MYOM2: variants seen among roughly 807,000 people sequenced by gnomAD.
MYOM2 encodes the protein myomesin 2.
In MYOM2, 254 loss-of-function variants were observed where a neutral mutation model predicts 187.6. The observed-to-expected ratio is 1.35, with a 90% CI of 1.22 to 1.50. The LOEUF is 1.50. Among genes scored for constraint, MYOM2 ranks in the 40% most tolerant of loss-of-function variants. MYOM2 has a pLI of 0.00. For missense variants in MYOM2, 2,796 were observed against 1,924.0 expected, an observed-to-expected ratio of 1.45 and a Z score of -8.48; for synonymous variants, 981 against 753.8, an observed-to-expected ratio of 1.30 and a Z score of -4.94.
intron 25 of MYOM2, among the ~76,000 whole-genome samples, chr8:2,113,440 G>T (rs1464486639): frequency 6.6e-6 from 1 of 152,184 alleles, no homozygotes; most frequent in Non-Finnish European, 1.5e-5. Flanking sequence ...TGAAGGCCTT[G>T]GGAGGTCTCT....
chr8:2,128,587 A>G (rs1417527292), intron 31 of MYOM2, among the ~76,000 whole-genome samples: 2 of 152,166 alleles, frequency 1.3e-5, no homozygotes, highest in Non-Finnish European at 2.9e-5. Flanking sequence ...TTTTTATTCC[A>G]AGTACACTGT....
At chr8:2,122,945 T>C (rs151203620) in intron 28 of MYOM2, among the ~76,000 whole-genome samples, 84 of 147,854 alleles carry the variant, frequency 5.7e-4, no homozygotes, top group Middle Eastern at 3.4e-3. Flanking sequence ...TTGTCTTTGT[T>C]AATGACATTT....
chr8:2,091,133 T>C (rs984214268), intron 15 of MYOM2, among the ~76,000 whole-genome samples: 9 of 150,448 alleles, frequency 6.0e-5, no homozygotes, highest in African/African-American at 1.7e-4. Context: ...TCTGCAATGG[T>C]CACTTTTAAA....
chr8:2,108,182 G>A (rs1442422374), intron 23 of MYOM2, among the ~76,000 whole-genome samples: 1 of 152,090 alleles, frequency 6.6e-6, no homozygotes. Flanking sequence ...AAAATGAAGT[G>A]GCTTAGAGCC....
rs756905893 is a variant in MYOM2, at chr8:2,094,137, G to A, written c.2125+46G>A. 1.1e-5 allele frequency: 18 copies of A among 1,601,578 alleles called. 2 individuals are homozygous for A. In the South Asian group the frequency reaches 1.9e-4, roughly 17 times the overall value. On this transcript the variant is annotated intron_variant, in intron 17 of 36. Transcript: ENST00000262113. ...TGTGTGCCGATTGCTCCCATACACT[G>A]TCATTTCTGCATGAATAAACATTTG...
chr8:2,106,473 A>T lies in MYOM2; in HGVS notation c.2892-18A>T. 1 of 1,609,826 alleles carries T rather than the reference A, an allele frequency of 6.2e-7. No individual in the cohort carries two copies. The highest frequency in any genetic ancestry group is 8.5e-7 in the Non-Finnish European group (1 of 1,176,476). ...AAACAGAAATGATCGACATTCACCTACTCTTCTTCCTTTTTAGCTCCAAGC... is the reference window on the plus strand; with the variant it reads ...AAACAGAAATGATCGACATTCACCTTCTCTTCTTCCTTTTTAGCTCCAAGC... On this transcript the variant is annotated intron_variant, in intron 22 of 36. Coordinates refer to ENST00000262113, the MANE Select transcript of MYOM2 (RefSeq NM_003970.4).
intron 17 of MYOM2, among the ~76,000 whole-genome samples, chr8:2,094,700 T>A (rs918566779): frequency 5.3e-5 from 8 of 152,226 alleles, no homozygotes; most frequent in African/African-American, 1.9e-4. Flanking sequence ...TCAAAATATG[T>A]GCTAAAATAC....
chr8:2,064,507 G>A (rs1818951165), intron 6 of MYOM2, among the ~76,000 whole-genome samples: 1 of 57,054 alleles, frequency 1.8e-5, no homozygotes, highest in South Asian at 1.4e-3. Context: ...AGGAAGGAGA[G>A]CGCTCTCTTC....
intron 6 of MYOM2, among the ~76,000 whole-genome samples, chr8:2,066,763 C>T (rs1490105496): frequency 1.3e-5 from 2 of 152,148 alleles, no homozygotes; most frequent in East Asian, 3.9e-4. Flanking sequence ...TAATGCTTAG[C>T]ATTGGAGAAA....
At chr8:2,137,480 A>T (rs1046662584) in intron 32 of MYOM2, among the ~76,000 whole-genome samples, 3 of 151,818 alleles carry the variant, frequency 2.0e-5, no homozygotes, top group Non-Finnish European at 4.4e-5. Flanking sequence ...GGCCTTACTG[A>T]TGTGTGGAGG....
chr8:2,067,902 G>C (rs1819070216), intron 6 of MYOM2, among the ~76,000 whole-genome samples: 1 of 152,068 alleles, frequency 6.6e-6, no homozygotes, highest in Non-Finnish European at 1.5e-5. Flanking sequence ...TATTAGCATG[G>C]GAATCCTACT....
At chr8:2,124,866 A>G (rs1039796026) in intron 31 of MYOM2, among the ~76,000 whole-genome samples, 18 of 152,114 alleles carry the variant, frequency 1.2e-4, no homozygotes, top group African/African-American at 4.3e-4. Context: ...TTTTTCAAGT[A>G]TCTGTTGGCC....
At position 2,052,320 on chromosome 8, in the gene MYOM2, A is replaced by G. The variant is rs753800462; in HGVS notation, c.263+7A>G. 7.5e-6 allele frequency: 12 copies of G among 1,593,056 alleles called. No individual in the cohort carries two copies. Among genetic ancestry groups the G allele is most frequent in the South Asian group, 1.1e-5 (1 of 88,502 alleles). ...AGCAGGAGAACAGAAGCAGGTGAGCACATGGCTTCCCTGACTCCACTTGTG... is the reference window on the plus strand; with the variant it reads ...AGCAGGAGAACAGAAGCAGGTGAGCGCATGGCTTCCCTGACTCCACTTGTG... On this transcript the variant is annotated splice_region_variant and intron_variant, in intron 3 of 36. Transcript: ENST00000262113.
intron 13 of MYOM2, among the ~76,000 whole-genome samples, chr8:2,083,392 A>G (rs1324683124): frequency 9.4e-4 from 116 of 123,602 alleles, no homozygotes; most frequent in South Asian, 3.6e-3. Context: ...GCGGCATCTC[A>G]CATGTGCCTA....
At chr8:2,073,177 C>T (rs939592606) in intron 9 of MYOM2, among the ~76,000 whole-genome samples, 162 bp from the exon 10 acceptor site, 2 of 152,226 alleles carry the variant, frequency 1.3e-5, no homozygotes, top group East Asian at 1.9e-4. Context: ...TGTGCTTCCA[C>T]GAAGTGCAGC....
chr8:2,085,272 A>C lies in MYOM2; in HGVS notation c.1526A>C (p.Gln509Pro). 6.2e-7 allele frequency: 1 copy of C among 1,614,024 alleles called. No individual in the cohort carries two copies. The highest frequency in any genetic ancestry group is 8.5e-7 in the Non-Finnish European group (1 of 1,179,950). The change falls in exon 14 of 37, where the codon CAG (glutamine) becomes CCG (proline). Residue 509 changes from glutamine to proline, a missense_variant. Transcript: ENST00000262113. The part of the protein sequence containing the change: ...IYQDDLEGDA[Q>P]VPGPPTGVHA... ...TTTATTATTCCTCCAGGTGACGCCC[A>C]GGTTCCAGGGCCTCCCACCGGTGTG...
chr8:2,145,018 TG>T lies in MYOM2; in HGVS notation c.*39del, dbSNP rs1455327149. The T allele has an allele frequency of 3.1e-6, 5 of 1,606,552 alleles. No individual in the cohort carries two copies. The highest frequency in any genetic ancestry group is 4.2e-6 in the Non-Finnish European group (5 of 1,176,746). ...TAGCCTGGAGATGGGAAAATATGCT[TG>T]GCAGAGACAGGAATGCTGTGTGCTT... is the stretch of plus-strand genomic sequence containing the variant. On this transcript the variant is annotated 3_prime_UTR_variant, in exon 37 of 37. Transcript: ENST00000262113.
chr8:2,085,517 C>CCCCTACTGT (rs1563444554), intron 14 of MYOM2, 127 bp downstream of exon 14: 1 of 504,914 alleles, frequency 2.0e-6, no homozygotes, highest in Non-Finnish European at 3.0e-6. Flanking sequence ...TCCGCGTGGC[C>CCCCTACTGT]CCCCACTGTT....
At chr8:2,096,743 C>A (rs1481422376) in intron 18 of MYOM2, among the ~76,000 whole-genome samples, 1 of 152,124 alleles carries the variant, frequency 6.6e-6, no homozygotes, top group African/African-American at 2.4e-5. Flanking sequence ...GGCTCTGAGG[C>A]CTTGAGGGCA....
Sources: gnomAD v4.1 joint callset for allele counts (sites outside exome capture counted in the v4.1 genomes callset) on GRCh38, gnomAD v4.1.1 for gene constraint, MANE v1.5 for transcripts, NCBI Gene and HGNC (gene_info 2026-07-23, HGNC 2026-07-21) for gene names.